The following FBXW11 variants were observed in gnomAD, a reference collection of about 807,000 sequenced individuals.
The protein encoded by FBXW11 is F-box/WD repeat-containing protein 11.
In FBXW11, 19 loss-of-function variants were observed where a neutral mutation model predicts 77.6. That is an observed-to-expected ratio of 0.24 (90% CI 0.17 to 0.36). FBXW11 has a LOEUF of 0.36. Among genes scored for constraint, FBXW11 ranks in the 10% least tolerant of loss-of-function variants. FBXW11 has a pLI of 1.00. For missense variants in FBXW11, 334 were observed against 704.2 expected (o/e 0.47, Z 5.95); for synonymous variants, 235 against 249.4 (o/e 0.94, Z 0.54).
chr5:171,954,067 G>A (rs1763494072), intron 2 of FBXW11, among the ~76,000 whole-genome samples: 1 of 152,140 alleles, frequency 6.6e-6, no homozygotes, highest in Admixed American at 6.5e-5. Flanking sequence ...CCCAGCAAAA[G>A]GCTTATCACT....
At chr5:171,989,399 A>T (rs377317241) in intron 1 of FBXW11, among the ~76,000 whole-genome samples, 2 of 152,284 alleles carry the variant, frequency 1.3e-5, no homozygotes, top group Non-Finnish European at 2.9e-5. Flanking sequence ...AGCATTGCTC[A>T]TAACGGGATA....
At chr5:171,891,345 G>T in intron 7 of FBXW11, 122 bp downstream of exon 7, 1 of 853,142 alleles carries the variant, frequency 1.2e-6, no homozygotes, top group Non-Finnish European at 1.7e-6. Context: ...TACACTGAGA[G>T]CTGCCAAGAT....
intron 1 of FBXW11, among the ~76,000 whole-genome samples, chr5:171,964,836 T>C (rs771630552): frequency 6.6e-6 from 1 of 152,250 alleles, no homozygotes; most frequent in Non-Finnish European, 1.5e-5. Flanking sequence ...ATGTGCAAAA[T>C]ACTTTCTTTT....
Position 171,861,667 on chromosome 5 carries a change from C to T in FBXW11, c.*2460G>A, listed in dbSNP as rs1252907518. The T allele has an allele frequency of 6.6e-6, 1 of 152,608 alleles. No individual in the cohort carries two copies. Among genetic ancestry groups the T allele is most frequent in the Non-Finnish European group, 1.5e-5 (1 of 68,040 alleles). 9.5% of individuals were successfully genotyped at this position (152,608 alleles called of 1,614,324 possible). On this transcript the variant is annotated 3_prime_UTR_variant, in exon 14 of 14. Transcript: ENST00000517395. Reference sequence around the variant, plus strand: ...ACCCATACTCGATTTATTGACATTACTTAGCAATTTACTGGACAAAAGTCA... The same window carrying T: ...ACCCATACTCGATTTATTGACATTATTTAGCAATTTACTGGACAAAAGTCA...
chr5:172,002,532 G>A (rs1446165586), intron 1 of FBXW11, among the ~76,000 whole-genome samples: 1 of 150,382 alleles, frequency 6.6e-6, no homozygotes. Context: ...GCTACATGAG[G>A]AGAAAGGTGG....
intron 2 of FBXW11, among the ~76,000 whole-genome samples, chr5:171,922,727 G>A (rs1453259497): frequency 6.6e-6 from 1 of 152,072 alleles, no homozygotes; most frequent in Non-Finnish European, 1.5e-5. Context: ...TTGTTATATG[G>A]ATTATTATAA....
rs1179273219 is a variant in FBXW11 at position 171,899,086 on chromosome 5, T to A, written c.632A>T (p.Tyr211Phe). The change falls in exon 6 of 14, where the codon TAC becomes TTC. Residue 211 changes from tyrosine to phenylalanine, a missense_variant. Tyr to Phe is a conservative substitution (Grantham distance 22). Transcript: ENST00000517395. ...ATCTGTGGGTCTGTTTTTAAACAGG[T>A]ACTGATCCCTGGCAAATAAAAACAA... ...GLSERRGWDQ[Y>F]LFKNRPTDGP... 1 of 1,594,864 alleles carries A rather than the reference T, an allele frequency of 6.3e-7. No homozygotes were observed. Among genetic ancestry groups the A allele is most frequent in the Non-Finnish European group, 8.5e-7 (1 of 1,173,640 alleles).
chr5:171,931,355 A>G (rs1188636433), intron 2 of FBXW11, among the ~76,000 whole-genome samples: 1 of 152,230 alleles, frequency 6.6e-6, no homozygotes, highest in Non-Finnish European at 1.5e-5. Flanking sequence ...AGCTAGGTCA[A>G]TGGAATAGAA....
chr5:171,907,641 T>C (rs1181530761), intron 4 of FBXW11, among the ~76,000 whole-genome samples: 1 of 152,206 alleles, frequency 6.6e-6, no homozygotes, highest in Non-Finnish European at 1.5e-5. Context: ...TTAAAACAAA[T>C]AGCATTTTAA....
At chr5:171,998,739 G>A (rs936364712) in intron 1 of FBXW11, among the ~76,000 whole-genome samples, 3 of 148,740 alleles carry the variant, frequency 2.0e-5, no homozygotes, top group African/African-American at 7.5e-5. Flanking sequence ...AGAGGCTGCA[G>A]TGAGCTGAGA....
At chr5:171,937,283 C>T (rs1426849712) in intron 2 of FBXW11, among the ~76,000 whole-genome samples, 1 of 152,076 alleles carries the variant, frequency 6.6e-6, no homozygotes, top group African/African-American at 2.4e-5. Context: ...GGAATCAGTC[C>T]TACCAGACAT....
chr5:171,940,399 C>A (rs924929489), intron 2 of FBXW11, among the ~76,000 whole-genome samples: 1 of 151,974 alleles, frequency 6.6e-6, no homozygotes, highest in African/African-American at 2.4e-5. Context: ...GCTGAGAGGG[C>A]CTAGAAGCAA....
chr5:171,924,472 G>A (rs1396250603), intron 2 of FBXW11, among the ~76,000 whole-genome samples: 1 of 152,092 alleles, frequency 6.6e-6, no homozygotes, highest in East Asian at 1.9e-4. Flanking sequence ...CCCATTTTGA[G>A]TGCCCTCTCC....
chr5:171,886,619 T>C (rs1348837864), intron 7 of FBXW11, among the ~76,000 whole-genome samples: 2 of 151,560 alleles, frequency 1.3e-5, no homozygotes, highest in African/African-American at 2.4e-5. Context: ...GATATATTGA[T>C]AGAAAAAAAG....
rs114777320 is a variant in FBXW11 at position 171,891,676 on chromosome 5, T to C, written c.715-72A>G. 5.1e-4 allele frequency: 764 copies of C among 1,500,774 alleles called. 3 individuals are homozygous for C. The African/African-American group carries it at 9.1e-3, about 18-fold the overall frequency. The allele number at this position is 1,500,774 out of a possible 1,614,324, so 93.0% of individuals were successfully genotyped here. A position where few individuals can be genotyped will look rare whatever the true frequency, so the allele number is the denominator to read the frequency against. On this transcript the variant is annotated intron_variant, in intron 6 of 13. Transcript: ENST00000517395. ...CTCTATTAGGTTTCAGACTTTGGCG[T>C]TGCTTCCAGAAACAGCATACCACCG...
At chr5:171,928,553 T>C (rs778426890) in intron 2 of FBXW11, among the ~76,000 whole-genome samples, 11 of 152,228 alleles carry the variant, frequency 7.2e-5, no homozygotes, top group Non-Finnish European at 1.5e-4. Context: ...TGAAGACATA[T>C]GTATAGACCA....
At chr5:172,001,118 C>T (rs1766387013) in intron 1 of FBXW11, among the ~76,000 whole-genome samples, 1 of 152,202 alleles carries the variant, frequency 6.6e-6, no homozygotes, top group South Asian at 2.1e-4. Flanking sequence ...TCTTTCTTCT[C>T]TATTCATCTC....
At chr5:171,868,520 C>T in intron 13 of FBXW11, 90 bp downstream of exon 13, 2 of 1,066,630 alleles carry the variant, frequency 1.9e-6, no homozygotes, top group Non-Finnish European at 2.8e-6. Flanking sequence ...CCTTGGTTCA[C>T]ACATCACCAA....
intron 1 of FBXW11, chr5:172,003,221 C>T (rs1766522853): frequency 1.3e-5 from 2 of 152,158 alleles, no homozygotes; most frequent in African/African-American, 4.8e-5. Flanking sequence ...AAAGTGATAG[C>T]ATCAATTTCT....
Sources: allele counts gnomAD v4.1 joint callset (sites outside exome capture counted in the v4.1 genomes callset), GRCh38; gene constraint gnomAD v4.1.1; transcripts MANE v1.5; gene names NCBI Gene and HGNC (gene_info 2026-07-23, HGNC 2026-07-21).